The following JMJD1C variants were observed in gnomAD, a reference collection of about 807,000 sequenced individuals.
JMJD1C encodes the protein jumonji domain containing 1C.
A neutral mutation model predicts 245.3 loss-of-function variants in JMJD1C; 31 were observed. That is an observed-to-expected ratio of 0.13 (90% confidence interval 0.09 to 0.17). JMJD1C has a LOEUF of 0.17. Among genes scored for constraint, JMJD1C ranks in the 10% least tolerant of loss-of-function variants. JMJD1C has a pLI of 1.00. For missense variants in JMJD1C, 2,691 were observed against 3,000.2 expected, an observed-to-expected ratio of 0.90 and a Z score of 2.41; for synonymous variants, 1,057 against 1,017.4, an observed-to-expected ratio of 1.04 and a Z score of -0.74.
In JMJD1C at chr10:63,204,144, A is replaced by G. The variant is rs1042400554; in HGVS notation, c.5074+2451T>C. The G allele has an allele frequency of 3.1e-6, 3 of 982,632 alleles. No homozygotes were observed. The African/African-American group carries it at 5.2e-5, about 17-fold the overall frequency. 60.9% of individuals were successfully genotyped at this position (982,632 alleles called of 1,614,324 possible). ...GTCTCTAAAAAATATTTAAGAAAAA[A>G]AAAACTTTTCTAGGTAGCCTAGAAC... On this transcript the variant is annotated intron_variant, in intron 10 of 25. Transcript: ENST00000399262.
intron 1 of JMJD1C, among the ~76,000 whole-genome samples, chr10:63,446,125 T>C (rs1228138253): frequency 6.6e-6 from 1 of 151,998 alleles, no homozygotes; most frequent in African/African-American, 2.4e-5. Context: ...TGTACCCGCC[T>C]TGGCCTCCCC....
intron 3 of JMJD1C, among the ~76,000 whole-genome samples, chr10:63,223,374 C>T (rs561816971): frequency 2.6e-5 from 4 of 152,088 alleles, no homozygotes; most frequent in African/African-American, 7.2e-5. Context: ...ATTACAGGCG[C>T]ATACCACCAT....
Position 63,215,989 on chromosome 10 carries a change from T to C in JMJD1C, c.679-293A>G, listed in dbSNP as rs550884352. ...AATACAGATGCCAACAATTCTTAAA[T>C]TACTTTTTATTTTTAAATAGAAAGT... On this transcript the variant is annotated intron_variant, in intron 5 of 25. Transcript: ENST00000399262. Among the ~76,000 whole-genome samples the C allele has an allele frequency of 2.2e-3, 328 of 152,328 alleles. 2 individuals are homozygous for C. Among genetic ancestry groups the C allele is most frequent in the African/African-American group, 7.6e-3 (318 of 41,590 alleles).
intron 1 of JMJD1C, among the ~76,000 whole-genome samples, chr10:63,484,646 T>TA (rs1163999757): frequency 6.0e-5 from 9 of 149,888 alleles, no homozygotes; most frequent in Admixed American, 6.6e-5. Context: ...TCTCTTAACT[T>TA]AAAAAAAAAG....
At chr10:63,288,772 G>T (rs999696865) in intron 2 of JMJD1C, among the ~76,000 whole-genome samples, 1 of 151,872 alleles carries the variant, frequency 6.6e-6, no homozygotes, top group Non-Finnish European at 1.5e-5. Context: ...CCAGCTACTT[G>T]GGAGGCTGAG....
At chr10:63,337,624 A>AAAAGAAAAAGAAAAAG (rs139374030) in intron 2 of JMJD1C, among the ~76,000 whole-genome samples, 12 of 60,220 alleles carry the variant, frequency 2.0e-4, no homozygotes, top group Non-Finnish European at 2.7e-4. Context: ...AAAAGAAAAG[A>AAAAGAAAAAGAAAAAG]AAAAGAAAAG....
At chr10:63,245,361 A>G (rs913468469) in intron 3 of JMJD1C, among the ~76,000 whole-genome samples, 1 of 151,736 alleles carries the variant, frequency 6.6e-6, no homozygotes, top group African/African-American at 2.4e-5. Flanking sequence ...GATTTAATAG[A>G]CTTACAGTTC....
intron 2 of JMJD1C, among the ~76,000 whole-genome samples, chr10:63,346,775 A>G (rs902822932): frequency 2.0e-5 from 3 of 152,160 alleles, no homozygotes; most frequent in East Asian, 1.9e-4. Flanking sequence ...TTAACAGTCT[A>G]TTGGTCTATC....
intron 1 of JMJD1C, among the ~76,000 whole-genome samples, chr10:63,448,557 C>G (rs1480242277): frequency 6.6e-6 from 1 of 152,166 alleles, no homozygotes; most frequent in African/African-American, 2.4e-5. Context: ...TTTCCTCAAC[C>G]CTATCAATGT....
chr10:63,390,397 A>C (rs923280439), intron 1 of JMJD1C, among the ~76,000 whole-genome samples: 1 of 152,116 alleles, frequency 6.6e-6, no homozygotes, highest in African/African-American at 2.4e-5. Flanking sequence ...AAAATCTCCC[A>C]AAAAAGAAGA....
At chr10:63,450,142 G>C (rs1486577629) in intron 1 of JMJD1C, among the ~76,000 whole-genome samples, 1 of 151,594 alleles carries the variant, frequency 6.6e-6, no homozygotes, top group Non-Finnish European at 1.5e-5. Flanking sequence ...AAGAGGAAAA[G>C]AAAAGCAAAA....
intron 2 of JMJD1C, among the ~76,000 whole-genome samples, chr10:63,291,069 G>A (rs1162911546): frequency 6.6e-6 from 1 of 152,024 alleles, no homozygotes; most frequent in African/African-American, 2.4e-5. Flanking sequence ...CACTTTGAGA[G>A]GCCGAGGTGG....
chr10:63,199,738 G>A (rs1845822133), intron 11 of JMJD1C, among the ~76,000 whole-genome samples: 1 of 152,094 alleles, frequency 6.6e-6, no homozygotes, highest in South Asian at 2.1e-4. Flanking sequence ...GAGGAAGAAA[G>A]AGAACCTGGT....
intron 1 of JMJD1C, among the ~76,000 whole-genome samples, chr10:63,445,551 G>C (rs769716697): frequency 2.6e-5 from 4 of 152,190 alleles, no homozygotes; most frequent in Non-Finnish European, 4.4e-5. Context: ...GGAATGACTG[G>C]AAAGCAGGAT....
intron 1 of JMJD1C, among the ~76,000 whole-genome samples, chr10:63,493,011 G>A (rs1339060297): frequency 6.6e-6 from 1 of 152,184 alleles, no homozygotes; most frequent in Middle Eastern, 3.4e-3. Context: ...GCTTAAGGGG[G>A]AGAAATAGAA....
At chr10:63,412,810 A>G (rs1367323571) in intron 1 of JMJD1C, among the ~76,000 whole-genome samples, 1 of 152,186 alleles carries the variant, frequency 6.6e-6, no homozygotes, top group Non-Finnish European at 1.5e-5. Flanking sequence ...ATTTTTAAAA[A>G]TATTTCTAGG....
intron 2 of JMJD1C, among the ~76,000 whole-genome samples, chr10:63,319,795 C>T (rs143020116): frequency 0.027 from 4,073 of 152,300 alleles, 83 homozygotes; most frequent in Non-Finnish European, 0.041. Flanking sequence ...GACAGAGTCT[C>T]GCTCTGTTGC....
At chr10:63,471,696 A>T (rs1386013067) in intron 1 of JMJD1C, among the ~76,000 whole-genome samples, 1 of 152,174 alleles carries the variant, frequency 6.6e-6, no homozygotes, top group Non-Finnish European at 1.5e-5. Flanking sequence ...ATCATTGTAA[A>T]ACTGCTTCTT....
At chr10:63,392,911 T>TACACACAC (rs1564870944) in intron 1 of JMJD1C, among the ~76,000 whole-genome samples, 8 of 83,602 alleles carry the variant, frequency 9.6e-5, no homozygotes, top group African/African-American at 3.4e-4. Flanking sequence ...CACACACACG[T>TACACACAC]GAGCAAAGGA....
Sources: gnomAD v4.1 joint callset for allele counts (sites outside exome capture counted in the v4.1 genomes callset) on GRCh38, gnomAD v4.1.1 for gene constraint, MANE v1.5 for transcripts, NCBI Gene and HGNC (gene_info 2026-07-23, HGNC 2026-07-21) for gene names.